KCNN2: variants seen among roughly 807,000 people sequenced by gnomAD.
The protein encoded by KCNN2 is potassium calcium-activated channel subfamily N member 2.
Under a neutral mutation model 55.5 loss-of-function variants are expected in KCNN2, and 24 were observed. The ratio of observed to expected loss-of-function variants is 0.43; its 90% CI spans 0.31 to 0.61. KCNN2 has a LOEUF of 0.61. Ranked by LOEUF, KCNN2 falls within the 20% of genes least tolerant of loss-of-function variation. The pLI, the probability that KCNN2 is intolerant of heterozygous loss-of-function variation, is 0.08. For synonymous variants in KCNN2, 431 were observed against 336.1 expected (o/e 1.28, Z -3.09); for missense variants, 754 against 853.6 (o/e 0.88, Z 1.45).
At chr5:114,134,795 T>A (rs538106215) in intron 1 of KCNN2, among the ~76,000 whole-genome samples, 1 of 152,268 alleles carries the variant, frequency 6.6e-6, no homozygotes, top group Non-Finnish European at 1.5e-5. Context: ...AATTCTTATC[T>A]TCCTTACAGT....
At chr5:114,251,068 A>G (rs1225755354) in intron 2 of KCNN2, among the ~76,000 whole-genome samples, 1 of 152,168 alleles carries the variant, frequency 6.6e-6, no homozygotes, top group Non-Finnish European at 1.5e-5. Context: ...TCCTCTAATA[A>G]CAGATCCTGG....
At chr5:114,195,830 G>A (rs1753545708) in intron 1 of KCNN2, among the ~76,000 whole-genome samples, 1 of 151,930 alleles carries the variant, frequency 6.6e-6, no homozygotes, top group Non-Finnish European at 1.5e-5. Context: ...TAGGTTTTTT[G>A]TAGATGCCTT....
At chr5:114,167,100 G>T (rs1481054761) in intron 1 of KCNN2, among the ~76,000 whole-genome samples, 1 of 152,086 alleles carries the variant, frequency 6.6e-6, no homozygotes, top group South Asian at 2.1e-4. Flanking sequence ...CCTCAGCTGA[G>T]ATCCTAAACA....
At chr5:114,463,212 A>G (rs377072855) in intron 4 of KCNN2, 22 bp downstream of exon 4, 106 of 1,594,106 alleles carry the variant, frequency 6.6e-5, no homozygotes, top group Non-Finnish European at 8.6e-5. Flanking sequence ...TATACTTCAC[A>G]TCTCTTTTAT....
intron 1 of KCNN2, among the ~76,000 whole-genome samples, chr5:114,184,180 C>T (rs555188476): frequency 6.6e-6 from 1 of 152,112 alleles, no homozygotes; most frequent in South Asian, 2.1e-4. Flanking sequence ...TTACTAATTA[C>T]AAAGGACTCA....
chr5:114,308,703 T>C (rs547819996), intron 2 of KCNN2, among the ~76,000 whole-genome samples: 2 of 152,206 alleles, frequency 1.3e-5, no homozygotes, highest in Admixed American at 1.3e-4. Flanking sequence ...TGAAAGATGC[T>C]AAGTGTTGCA....
intron 2 of KCNN2, among the ~76,000 whole-genome samples, chr5:114,326,465 C>A (rs1182382865): frequency 6.6e-6 from 1 of 152,074 alleles, no homozygotes; most frequent in Non-Finnish European, 1.5e-5. Context: ...TGTTCTATAC[C>A]AACATGAGCC....
chr5:114,187,334 G>A (rs926804995), intron 1 of KCNN2, among the ~76,000 whole-genome samples: 33 of 151,946 alleles, frequency 2.2e-4, no homozygotes, highest in African/African-American at 7.7e-4. Flanking sequence ...GAAAACAATA[G>A]ATGTTCTCCT....
At chr5:114,151,485 G>T (rs954905193) in intron 1 of KCNN2, among the ~76,000 whole-genome samples, 4 of 151,744 alleles carry the variant, frequency 2.6e-5, no homozygotes, top group African/African-American at 9.7e-5. Flanking sequence ...TTGCTTATCA[G>T]CTCTTTCTTT....
upstream of KCNN2, chr5:114,056,025 G>A (rs1022343756): frequency 1.7e-5 from 4 of 234,544 alleles, no homozygotes; most frequent in African/African-American, 9.0e-5. Flanking sequence ...CCGCCTGCAG[G>A]ACTCGCTCCT....
intron 1 of KCNN2, among the ~76,000 whole-genome samples, chr5:114,206,431 G>C (rs1205629630): frequency 6.6e-6 from 1 of 152,088 alleles, no homozygotes; most frequent in Non-Finnish European, 1.5e-5. Context: ...CATGATTTCT[G>C]TTAGCGACAT....
intron 1 of KCNN2, among the ~76,000 whole-genome samples, chr5:114,173,553 T>C (rs1269740422): frequency 6.6e-6 from 1 of 151,532 alleles, no homozygotes; most frequent in Non-Finnish European, 1.5e-5. Context: ...TTGATAGAGA[T>C]TACATTGAAT....
intron 2 of KCNN2, among the ~76,000 whole-genome samples, chr5:114,226,128 A>G (rs1321522030): frequency 6.9e-6 from 1 of 145,592 alleles, no homozygotes; most frequent in Non-Finnish European, 1.5e-5. Flanking sequence ...GTTTTCTTGT[A>G]GGTTAGTATA....
At chr5:114,115,384 C>T (rs1283142214) in intron 1 of KCNN2, among the ~76,000 whole-genome samples, 2 of 152,102 alleles carry the variant, frequency 1.3e-5, no homozygotes, top group Admixed American at 1.3e-4. Context: ...GTTTTAAAGA[C>T]AACAAATTAA....
intron 1 of KCNN2, among the ~76,000 whole-genome samples, chr5:114,139,706 C>T (rs1012747325): frequency 3.3e-5 from 5 of 151,664 alleles, no homozygotes; most frequent in African/African-American, 1.2e-4. Flanking sequence ...TTCACATATA[C>T]ACTTGTATAT....
At chr5:114,337,103 T>A (rs1034764460) in intron 2 of KCNN2, among the ~76,000 whole-genome samples, 17 of 152,190 alleles carry the variant, frequency 1.1e-4, no homozygotes, top group Admixed American at 5.2e-4. Flanking sequence ...ACTAAGAAGT[T>A]GTTGCAGTCA....
At chr5:114,445,640 C>T (rs1160217764) in intron 3 of KCNN2, among the ~76,000 whole-genome samples, 3 of 152,180 alleles carry the variant, frequency 2.0e-5, no homozygotes, top group Non-Finnish European at 4.4e-5. Flanking sequence ...AAGATCATCT[C>T]TATATGTATT....
At chr5:114,155,504 A>G (rs970052523) in intron 1 of KCNN2, among the ~76,000 whole-genome samples, 2 of 152,142 alleles carry the variant, frequency 1.3e-5, no homozygotes, top group Non-Finnish European at 2.9e-5. Context: ...ACTCCCTTCA[A>G]CAGTGTATAA....
chr5:114,419,735 T>C (rs1759418642), intron 3 of KCNN2, among the ~76,000 whole-genome samples: 1 of 152,190 alleles, frequency 6.6e-6, no homozygotes, highest in South Asian at 2.1e-4. Flanking sequence ...TCATGCCTGT[T>C]ATCCCAGCAA....
Sources: allele counts gnomAD v4.1 joint callset (sites outside exome capture counted in the v4.1 genomes callset), GRCh38; gene constraint gnomAD v4.1.1; transcripts MANE v1.5; gene names NCBI Gene and HGNC (gene_info 2026-07-23, HGNC 2026-07-21).